The following PLPPR1 variants were observed in gnomAD, a reference collection of about 807,000 sequenced individuals.
The protein encoded by PLPPR1 is phospholipid phosphatase related 1.
A neutral mutation model predicts 33.1 loss-of-function variants in PLPPR1; 10 were observed. The observed-to-expected ratio is 0.30, with a 90% CI of 0.19 to 0.51. PLPPR1 has a LOEUF of 0.51. PLPPR1 is among the 20% of genes least tolerant of loss of function. PLPPR1 has a pLI of 0.97. For missense variants in PLPPR1, 304 were observed against 408.1 expected (o/e 0.74, Z 2.20); for synonymous variants, 151 against 151.0 (o/e 1.00, Z 0.00).
At chr9:101,206,832 CAA>C (rs1564175517) in intron 2 of PLPPR1, among the ~76,000 whole-genome samples, 1 of 152,082 alleles carries the variant, frequency 6.6e-6, no homozygotes, top group African/African-American at 2.4e-5. Flanking sequence ...GCACCAGGGC[CAA>C]AGAGATTTCA....
At chr9:101,038,234 AT>A (rs1462731594) in intron 1 of PLPPR1, among the ~76,000 whole-genome samples, 1 of 152,122 alleles carries the variant, frequency 6.6e-6, no homozygotes, top group African/African-American at 2.4e-5. Flanking sequence ...TATTTGGTAA[AT>A]ATTACTCTTA....
At chr9:101,303,450 C>T (rs181358351) in intron 4 of PLPPR1, among the ~76,000 whole-genome samples, 1 of 152,274 alleles carries the variant, frequency 6.6e-6, no homozygotes, top group Non-Finnish European at 1.5e-5. Flanking sequence ...TACAGGCATG[C>T]ATCACCATAC....
intron 4 of PLPPR1, among the ~76,000 whole-genome samples, chr9:101,304,135 A>G (rs564190543): frequency 2.4e-4 from 36 of 152,332 alleles, no homozygotes; most frequent in African/African-American, 8.4e-4. Context: ...CCAGTTTTTA[A>G]TGATCACTTA....
At chr9:101,244,970 G>A (rs909680915) in intron 2 of PLPPR1, among the ~76,000 whole-genome samples, 1 of 151,958 alleles carries the variant, frequency 6.6e-6, no homozygotes, top group Non-Finnish European at 1.5e-5. Context: ...AGAAGTGCAA[G>A]TTAAGAATAC....
chr9:101,086,367 A>C (rs1830675894), intron 1 of PLPPR1, among the ~76,000 whole-genome samples: 1 of 152,148 alleles, frequency 6.6e-6, no homozygotes, highest in Admixed American at 6.6e-5. Context: ...TCTGTCAGGG[A>C]GCTCTGGGAT....
chr9:101,104,057 TG>T (rs1830942481), intron 1 of PLPPR1, among the ~76,000 whole-genome samples: 1 of 5,508 alleles, frequency 1.8e-4, no homozygotes, highest in Non-Finnish European at 2.7e-4. Context: ...GCTGAGACGA[TG>T]GGGTTTTCTA....
chr9:101,179,242 A>C (rs1259392272), intron 1 of PLPPR1, among the ~76,000 whole-genome samples: 1 of 152,198 alleles, frequency 6.6e-6, no homozygotes, highest in Non-Finnish European at 1.5e-5. Flanking sequence ...CAGGACTACA[A>C]ATGGCCCAGA....
intron 1 of PLPPR1, among the ~76,000 whole-genome samples, chr9:101,093,597 G>T (rs1310889228): frequency 1.3e-5 from 2 of 152,112 alleles, no homozygotes; most frequent in African/African-American, 4.8e-5. Context: ...GACCAATTTT[G>T]CATTCAACCC....
chr9:101,147,956 A>G (rs978758173), intron 1 of PLPPR1, among the ~76,000 whole-genome samples: 1 of 152,146 alleles, frequency 6.6e-6, no homozygotes, highest in East Asian at 1.9e-4. Flanking sequence ...CATTCTGCAA[A>G]CCATGGTCAT....
Position 101,203,393 on chromosome 9 carries a change from G to A in PLPPR1, c.63+17836G>A, listed in dbSNP as rs558456802. ...AAGACTTTATGGTCCTTTGGAAACA[G>A]TGCTGGGCCAGGAATCAGGGAATTT... On this transcript the variant is annotated intron_variant, in intron 2 of 7. Coordinates refer to ENST00000374874, the MANE Select transcript of PLPPR1 (RefSeq NM_207299.2). Among the ~76,000 whole-genome samples the A allele has an allele frequency of 1.2e-4, 18 of 152,274 alleles. No homozygotes were observed. In the East Asian group the frequency reaches 3.5e-3, roughly 29 times the overall value.
chr9:101,127,162 C>T (rs374205995), intron 1 of PLPPR1, among the ~76,000 whole-genome samples: 6 of 148,328 alleles, frequency 4.0e-5, no homozygotes, highest in African/African-American at 9.7e-5. Context: ...TCAACTTTCC[C>T]GCTGAGCTTC....
At chr9:101,157,026 G>A (rs990739425) in intron 1 of PLPPR1, among the ~76,000 whole-genome samples, 3 of 152,086 alleles carry the variant, frequency 2.0e-5, no homozygotes, top group African/African-American at 7.2e-5. Flanking sequence ...AGGATTAATG[G>A]GTGGAATAAA....
chr9:101,258,996 C>T (rs865937141), intron 2 of PLPPR1, among the ~76,000 whole-genome samples: 40 of 152,192 alleles, frequency 2.6e-4, no homozygotes, highest in Middle Eastern at 3.4e-3. Context: ...AGCAAAAGAT[C>T]AAAGAGAAAA....
intron 6 of PLPPR1, among the ~76,000 whole-genome samples, chr9:101,315,778 A>C (rs1829040178): frequency 6.6e-6 from 1 of 152,344 alleles, no homozygotes; most frequent in East Asian, 1.9e-4. Context: ...AGGAGCCTGG[A>C]GGCATTCCAA....
intron 1 of PLPPR1, among the ~76,000 whole-genome samples, chr9:101,108,352 G>A (rs374617292): frequency 9.9e-5 from 15 of 152,278 alleles, no homozygotes; most frequent in African/African-American, 3.6e-4. Context: ...ATTCTACTTC[G>A]TATTCCTGAC....
chr9:101,076,858 A>C (rs1200793650), intron 1 of PLPPR1, among the ~76,000 whole-genome samples: 1 of 152,242 alleles, frequency 6.6e-6, no homozygotes, highest in Non-Finnish European at 1.5e-5. Flanking sequence ...GGATGATTCA[A>C]GAATGTTCTA....
intron 1 of PLPPR1, among the ~76,000 whole-genome samples, chr9:101,094,070 G>A (rs1358053214): frequency 6.6e-6 from 1 of 152,102 alleles, no homozygotes; most frequent in Non-Finnish European, 1.5e-5. Context: ...ATTCTAGTAA[G>A]CTCCCTTCTT....
At chr9:101,311,959 C>T (rs1291312797) in intron 5 of PLPPR1, among the ~76,000 whole-genome samples, 1 of 152,156 alleles carries the variant, frequency 6.6e-6, no homozygotes, top group East Asian at 1.9e-4. Flanking sequence ...TCTAAACCAC[C>T]AGGGACACAT....
intron 1 of PLPPR1, among the ~76,000 whole-genome samples, chr9:101,168,626 C>T (rs1367754): frequency 0.17 from 25,928 of 152,144 alleles, 2,404 homozygotes; most frequent in Non-Finnish European, 0.22. Context: ...GCTTGACTCA[C>T]ATTTGCATGA....
Sources: gnomAD v4.1 joint callset for allele counts (sites outside exome capture counted in the v4.1 genomes callset) on GRCh38, gnomAD v4.1.1 for gene constraint, MANE v1.5 for transcripts, NCBI Gene and HGNC (gene_info 2026-07-23, HGNC 2026-07-21) for gene names.